RASSF5: variants seen among roughly 807,000 people sequenced by gnomAD.
The protein encoded by RASSF5 is Ras association domain family member 5.
In RASSF5, 25 loss-of-function variants were observed where a neutral mutation model predicts 40.5. That is an observed-to-expected ratio of 0.62 (90% CI 0.45 to 0.86). The LOEUF (loss-of-function observed/expected upper bound fraction) is 0.86, where lower values mean the gene tolerates loss of function less well. Among genes scored for constraint, RASSF5 ranks in the 40% least tolerant of loss-of-function variants. The probability of loss-of-function intolerance (pLI) is 0.00; values close to 1 mark genes in which losing one functional copy is unlikely to be tolerated. For missense variants in RASSF5, 521 were observed against 572.8 expected (o/e 0.91, Z 0.92); for synonymous variants, 246 against 252.4 (o/e 0.97, Z 0.24).
chr1:206,574,184 G>C (rs1553404725), intron 2 of RASSF5, among the ~76,000 whole-genome samples: 2 of 152,204 alleles, frequency 1.3e-5, no homozygotes, highest in African/African-American at 4.8e-5. Flanking sequence ...AAAGAGCAGG[G>C]GACCCCGTGT....
chr1:206,555,511 A>AT (rs35833153), intron 2 of RASSF5, among the ~76,000 whole-genome samples: 31,918 of 151,688 alleles, frequency 0.21, 3,574 homozygotes, highest in Middle Eastern at 0.39. Context: ...TCTGGGGGAA[A>AT]CCCCCCAAAC....
At chr1:206,518,316 G>C in intron 1 of RASSF5, 1 of 397,340 alleles carries the variant, frequency 2.5e-6, no homozygotes, top group Admixed American at 4.4e-5. Flanking sequence ...GCCCTCCCCG[G>C]AGCCCTCCCC....
intron 1 of RASSF5, among the ~76,000 whole-genome samples, chr1:206,530,359 T>G (rs1248553308): frequency 6.6e-6 from 1 of 152,260 alleles, no homozygotes; most frequent in Non-Finnish European, 1.5e-5. Context: ...TCTTATATAA[T>G]GGCTACATAG....
intron 2 of RASSF5, among the ~76,000 whole-genome samples, chr1:206,566,248 G>A (rs1039744811): frequency 1.1e-4 from 16 of 152,150 alleles, no homozygotes; most frequent in African/African-American, 3.9e-4. Context: ...TGAGGGAAGA[G>A]TCCAGCTTTG....
In RASSF5 at chr1:206,586,941, A is replaced by C. The variant is rs782489549; in HGVS notation, c.1220A>C (p.Glu407Ala). 1 of 1,614,184 alleles carries C rather than the reference A, an allele frequency of 6.2e-7. No individual in the cohort carries two copies. Among genetic ancestry groups the C allele is most frequent in the East Asian group, 2.2e-5 (1 of 44,894 alleles). ...TATGACAAGTTTAGGCAGAAACTGGAGGAGGCCTTAAGAGAATCCCAGGGC... is the reference window on the plus strand; with the variant it reads ...TATGACAAGTTTAGGCAGAAACTGGCGGAGGCCTTAAGAGAATCCCAGGGC... ...KKYDKFRQKL[E>A]EALRESQGKP... The change falls in exon 6 of 6, where the codon GAG (glutamate) becomes GCG (alanine). Residue 407 changes from glutamate (E) to alanine (A), a missense_variant. Glu to Ala is a moderately radical substitution (Grantham distance 107). Coordinates refer to ENST00000579436, the MANE Select transcript of RASSF5 (RefSeq NM_182663.4).
In RASSF5 at chr1:206,579,529, GT is replaced by G. The variant is rs2103563826; in HGVS notation, c.580-3737del. On this transcript the variant is annotated intron_variant, in intron 2 of 5. Transcript: ENST00000579436. This position sits in a 1 kb window ranked among gnomAD's most constrained non-coding sequence, Gnocchi z 4.2. ...TGCCTGTTAGGTAAACCTTTGGGGTGTTTGTGTGTTTCTTGGCACCAAGTGT... is the reference window on the plus strand; with the variant it reads ...TGCCTGTTAGGTAAACCTTTGGGGTGTTGTGTGTTTCTTGGCACCAAGTGT... Among the ~76,000 whole-genome samples, 1 of 152,320 alleles carries G rather than the reference GT, an allele frequency of 6.6e-6. No homozygotes were observed. The highest frequency in any genetic ancestry group is 1.9e-4 in the East Asian group (1 of 5,188).
intron 2 of RASSF5, among the ~76,000 whole-genome samples, chr1:206,559,354 G>T (rs1668077299): frequency 6.6e-6 from 1 of 152,152 alleles, no homozygotes; most frequent in Admixed American, 6.6e-5. Context: ...TGCAAAGATG[G>T]GGTTTCTTTT....
intron 2 of RASSF5, among the ~76,000 whole-genome samples, chr1:206,553,095 A>G (rs1482431366): frequency 5.3e-5 from 8 of 152,048 alleles, no homozygotes; most frequent in East Asian, 1.9e-4. Context: ...CCAGCTACTC[A>G]GGAGGCAGAG....
chr1:206,527,289 G>A (rs1667120659), intron 1 of RASSF5, among the ~76,000 whole-genome samples: 1 of 152,178 alleles, frequency 6.6e-6, no homozygotes, highest in Non-Finnish European at 1.5e-5. Context: ...AATCTCTGAG[G>A]TAGTTGGTTC....
Position 206,584,593 on chromosome 1 carries a change from T to G in RASSF5, c.897T>G (p.Ser299Arg), listed in dbSNP as rs1157845699. Residue 299 changes from serine (S) to arginine (R), a missense_variant, in exon 4 of 6, where the codon AGT becomes AGG. This residue lies in a region of RASSF5 where 284 missense variants were observed against 360.8 expected (regional missense o/e 0.79). Coordinates refer to ENST00000579436, the MANE Select transcript of RASSF5 (RefSeq NM_182663.4). The surrounding 1 kb of genome is among the most constrained non-coding windows in gnomAD (Gnocchi z 4.9). Reference protein sequence around the residue: ...QLHISSTTTVSEVIQGLLKKF... With the variant: ...QLHISSTTTVREVIQGLLKKF... ...ACATCAGCAGCACCACCACCGTCAG[T>G]GAGGTCATCCAGGGGCTGCTCAAGA... The G allele has an allele frequency of 6.2e-7, 1 of 1,614,218 alleles. No individual in the cohort carries two copies. The highest frequency in any genetic ancestry group is 1.3e-5 in the African/African-American group (1 of 75,042).
At chr1:206,534,753 G>GAGCA (rs1211063072) in intron 1 of RASSF5, among the ~76,000 whole-genome samples, 10 of 152,166 alleles carry the variant, frequency 6.6e-5, no homozygotes, top group African/African-American at 2.4e-4. Context: ...GGTTTCCCAG[G>GAGCA]TTTCTTTTCT....
chr1:206,540,226 G>C lies in RASSF5; in HGVS notation c.579+1933G>C, dbSNP rs189167135. Among the ~76,000 whole-genome samples, 25 of 152,370 alleles carry C rather than the reference G, an allele frequency of 1.6e-4. No homozygotes were observed. The East Asian group carries it at 4.6e-3, about 28-fold the overall frequency. On this transcript the variant is annotated intron_variant, in intron 2 of 5. Transcript: ENST00000579436. ...GAAGACTGAGAAACCCTGCCCTAGA[G>C]TGGGCTAGCCAGCTCCCAAGTGTGG...
At chr1:206,562,038 G>T (rs1668161583) in intron 2 of RASSF5, among the ~76,000 whole-genome samples, 1 of 152,062 alleles carries the variant, frequency 6.6e-6, no homozygotes, top group South Asian at 2.1e-4. Context: ...GGCTTTCTTG[G>T]GTCTACAGTG....
chr1:206,557,747 G>A, intron 2 of RASSF5: 1 of 1,587,114 alleles, frequency 6.3e-7, no homozygotes, highest in Non-Finnish European at 8.6e-7. Context: ...TAACCTCTGT[G>A]GTCAATCTAG....
intron 2 of RASSF5, among the ~76,000 whole-genome samples, chr1:206,570,968 G>A (rs1388351921): frequency 6.6e-6 from 1 of 152,098 alleles, no homozygotes; most frequent in Non-Finnish European, 1.5e-5. Flanking sequence ...TGTAATTGCT[G>A]GATCACATGG....
chr1:206,523,828 A>G (rs1553396646), intron 1 of RASSF5, among the ~76,000 whole-genome samples: 3 of 107,034 alleles, frequency 2.8e-5, no homozygotes, highest in African/African-American at 1.2e-4. Flanking sequence ...TATATTATAT[A>G]TAATATATTT....
chr1:206,538,141 C>T, intron 1 of RASSF5, 31 bp from the exon 2 acceptor site: 1 of 1,613,846 alleles, frequency 6.2e-7, no homozygotes, highest in Non-Finnish European at 8.5e-7. Flanking sequence ...CCTGCCTGTC[C>T]TCTAATCTCC....
chr1:206,508,107 G>A, intron 1 of RASSF5, 48 bp downstream of exon 1: 1 of 1,307,400 alleles, frequency 7.6e-7, no homozygotes, highest in Non-Finnish European at 9.8e-7. Context: ...CGCAGTCTGG[G>A]GGCGAAGGAC....
intron 1 of RASSF5, among the ~76,000 whole-genome samples, chr1:206,526,293 T>TGTGTGTGTGTGTGTGTGTGTG (rs1553397193): frequency 9.9e-5 from 15 of 151,432 alleles, no homozygotes; most frequent in South Asian, 2.1e-4. Context: ...TGTGTGTGTG[T>TGTGTGTGTGTGTGTGTGTGTG]TGGAGTTGGG....
Sources: allele counts gnomAD v4.1 joint callset (sites outside exome capture counted in the v4.1 genomes callset), GRCh38; gene constraint gnomAD v4.1.1; regional missense constraint gnomAD v4.1.1; non-coding constraint Gnocchi (gnomAD v3.1); transcripts MANE v1.5; gene names NCBI Gene and HGNC (gene_info 2026-07-23, HGNC 2026-07-21).